The following KCNC3 variants were observed in gnomAD, a reference collection of about 807,000 sequenced individuals.
KCNC3 encodes voltage-gated potassium channel KCNC3.
Under a neutral mutation model 43.9 loss-of-function variants are expected in KCNC3, and 22 were observed. That is an observed-to-expected ratio of 0.50 (90% CI 0.36 to 0.72). KCNC3 has a LOEUF of 0.72. Among genes scored for constraint, KCNC3 ranks in the 30% least tolerant of loss-of-function variants. The pLI is 0.00. For missense variants in KCNC3, 829 were observed against 1,073.8 expected (o/e 0.77, Z 3.19); for synonymous variants, 492 against 488.0 (o/e 1.01, Z -0.11).
At chr19:50,320,844 C>A in intron 2 of KCNC3, 60 bp from the exon 3 acceptor site, 2 of 1,531,190 alleles carry the variant, frequency 1.3e-6, no homozygotes, top group Non-Finnish European at 1.8e-6. Flanking sequence ...GGTGAACACG[C>A]GGTGGGGCAA....
At chr19:50,326,935 T>G (rs1407035138) in intron 1 of KCNC3, among the ~76,000 whole-genome samples, 3 of 150,238 alleles carry the variant, frequency 2.0e-5, no homozygotes, top group Non-Finnish European at 4.4e-5. Context: ...GGGGGGAGGT[T>G]CGAGAAAGGA....
chr19:50,328,046 G>T (rs1407612756), intron 1 of KCNC3, among the ~76,000 whole-genome samples, 167 bp downstream of exon 1: 2 of 151,234 alleles, frequency 1.3e-5, no homozygotes, highest in Non-Finnish European at 3.0e-5. Context: ...CTGCGAGAGG[G>T]GGGTGTGTTC....
intron 2 of KCNC3, among the ~76,000 whole-genome samples, chr19:50,321,937 G>T (rs1271093767): frequency 1.3e-5 from 2 of 152,074 alleles, no homozygotes; most frequent in Non-Finnish European, 2.9e-5. Flanking sequence ...GGCAAGCTAG[G>T]AAGTGGCTGT....
At chr19:50,320,529 TC>T in intron 3 of KCNC3, 63 bp downstream of exon 3, 8 of 1,484,996 alleles carry the variant, frequency 5.4e-6, no homozygotes, top group Middle Eastern at 2.3e-4. Flanking sequence ...CCCCCTCTCC[TC>T]CCTCCCCTGG....
At chr19:50,319,768 T>G (rs2037003291) in intron 4 of KCNC3, among the ~76,000 whole-genome samples, 1 of 152,072 alleles carries the variant, frequency 6.6e-6, no homozygotes, top group South Asian at 2.1e-4. Flanking sequence ...ACGGTTGAAC[T>G]CCCCATGCCC....
Position 50,323,235 on chromosome 19 carries a change from T to C in KCNC3, c.1718A>G (p.Asn573Ser). 6.3e-7 allele frequency: 1 copy of C among 1,581,580 alleles called. No homozygotes were observed. The highest frequency in any genetic ancestry group is 8.5e-7 in the Non-Finnish European group (1 of 1,170,746). Reference sequence around the variant, plus strand: ...CGGGGGTGGGTCAGGCTTGCAGTAGTTGGGCGAGCCCGGTTGCGGGGGCCG... The same window carrying C: ...CGGGGGTGGGTCAGGCTTGCAGTAGCTGGGCGAGCCCGGTTGCGGGGGCCG... ...IPRPPQPGSP[N>S]YCKPDPPPPP... is the part of the protein sequence containing the mutation. Residue 573 changes from asparagine to serine, a missense_variant, in exon 2 of 5, where the codon AAC (asparagine) becomes AGC (serine). Physicochemically the swap from Asn to Ser is conservative, Grantham distance 46. Coordinates refer to ENST00000477616, the MANE Select transcript of KCNC3 (RefSeq NM_004977.3).
At chr19:50,327,199 G>A (rs1202953495) in intron 1 of KCNC3, among the ~76,000 whole-genome samples, 1 of 151,988 alleles carries the variant, frequency 6.6e-6, no homozygotes, top group African/African-American at 2.4e-5. Context: ...TATGGAGGAG[G>A]AAGAACAATT....
upstream of KCNC3, among the ~76,000 whole-genome samples, chr19:50,330,159 C>A (rs1481624734): frequency 6.6e-6 from 1 of 151,904 alleles, no homozygotes. Flanking sequence ...CCCAGCTAGT[C>A]GGGAGGTTGA....
Position 50,314,081 on chromosome 19 carries a change from A to C in KCNC3, c.*2034T>G, listed in dbSNP as rs1418077755. 1 of 152,262 alleles carries C rather than the reference A, an allele frequency of 6.6e-6. No individual in the cohort carries two copies. Among genetic ancestry groups the C allele is most frequent in the African/African-American group, 2.4e-5 (1 of 41,402 alleles). The allele number at this position is 152,262 out of a possible 1,614,324, so 9.4% of individuals were successfully genotyped here. ...ATTCTGGGATAGGAGGTCTGAGTCC[A>C]TGCAGCAAGAATAGAGGCGAGCAGG... is the stretch of plus-strand genomic sequence containing the variant. On this transcript the variant is annotated 3_prime_UTR_variant, in exon 5 of 5. Coordinates refer to ENST00000477616, the MANE Select transcript of KCNC3 (RefSeq NM_004977.3).
rs1455485454 is a variant in KCNC3 at position 50,312,705 on chromosome 19, G to C, written c.*3410C>G. The C allele has an allele frequency of 6.6e-6, 1 of 152,244 alleles. No homozygotes were observed. Among genetic ancestry groups the C allele is most frequent in the Non-Finnish European group, 1.5e-5 (1 of 68,074 alleles). The allele number at this position is 152,244 out of a possible 1,614,324, so 9.4% of individuals were successfully genotyped here. Reference sequence around the variant, plus strand: ...GGCGAGCAGGGGGAGACGTTGGGAAGAGGTCAGTACCCTTTGGAAAAGACC... The same window carrying C: ...GGCGAGCAGGGGGAGACGTTGGGAACAGGTCAGTACCCTTTGGAAAAGACC... On this transcript the variant is annotated 3_prime_UTR_variant, in exon 5 of 5. Coordinates refer to ENST00000477616, the MANE Select transcript of KCNC3 (RefSeq NM_004977.3).
At chr19:50,317,298 C>T (rs904713989) in intron 4 of KCNC3, among the ~76,000 whole-genome samples, 1 of 152,178 alleles carries the variant, frequency 6.6e-6, no homozygotes, top group Non-Finnish European at 1.5e-5. Flanking sequence ...CCTGGGGTCT[C>T]GGCCCTTGTG....
chr19:50,326,910 G>GCCC (rs2037113695), intron 1 of KCNC3, among the ~76,000 whole-genome samples: 1 of 137,198 alleles, frequency 7.3e-6, no homozygotes, highest in African/African-American at 2.6e-5. Context: ...CTAGGTTCTG[G>GCCC]GTTTTGCACG....
chr19:50,323,669 G>A lies in KCNC3; in HGVS notation c.1284C>T (p.Thr428=), dbSNP rs752650735. 1.2e-6 allele frequency: 2 copies of A among 1,614,186 alleles called. No homozygotes were observed. Among genetic ancestry groups the A allele is most frequent in the South Asian group, 1.1e-5 (1 of 91,084 alleles). ...GCACGCGCAGCCCCACGAAGTGCCG[G>A]GTCAGCTTGAAGATGCGCAGGATGC... ...FVRILRIFKL[T]RHFVGLRVLG... The change falls in exon 2 of 5, where the codon ACC becomes ACT. Residue 428 remains threonine, a synonymous_variant. Coordinates refer to ENST00000477616, the MANE Select transcript of KCNC3 (RefSeq NM_004977.3).
In KCNC3 at chr19:50,313,060, G is replaced by A. The variant is rs2036900880; in HGVS notation, c.*3055C>T. ...GCCGTGGGAGCAGAGGGAGGGAGGT[G>A]GCTAATTCCGTGGGACCCCGGCTCC... On this transcript the variant is annotated 3_prime_UTR_variant, in exon 5 of 5. Transcript: ENST00000477616. 6.6e-6 allele frequency: 1 copy of A among 152,186 alleles called. No individual in the cohort carries two copies. The highest frequency in any genetic ancestry group is 6.5e-5 in the Admixed American group (1 of 15,282). 9.4% of individuals were successfully genotyped at this position (152,186 alleles called of 1,614,324 possible).
At position 50,328,666 on chromosome 19, in the gene KCNC3, C is replaced by G; in HGVS notation, c.417G>C (p.Arg139=). 1 of 1,610,832 alleles carries G rather than the reference C, an allele frequency of 6.2e-7. No homozygotes were observed. Among genetic ancestry groups the G allele is most frequent in the Non-Finnish European group, 8.5e-7 (1 of 1,179,064 alleles). The change falls in exon 1 of 5, where the codon CGG becomes CGC. Residue 139 remains arginine, a synonymous_variant. Coordinates refer to ENST00000477616, the MANE Select transcript of KCNC3 (RefSeq NM_004977.3). ...GCACGTACGCGAAGACTCCCGGGTGCCGGTCAAAGAAGAACTCGTCGGCGC... is the reference window on the plus strand; with the variant it reads ...GCACGTACGCGAAGACTCCCGGGTGGCGGTCAAAGAAGAACTCGTCGGCGC... ...DPGADEFFFD[R]HPGVFAYVLN...
In KCNC3 at chr19:50,323,070, G is replaced by A. The variant is rs927538730; in HGVS notation, c.1883C>T (p.Ala628Val). ...CAGCCCCATGATCCCCAGCCCACCC[G>A]CTCCCCCCCTGAGCAGCCCGGGGTG... is the stretch of plus-strand genomic sequence containing the variant. ...HTHPGLLRGG[A>V]GGLGIMGLPP... is the part of the protein sequence containing the mutation. Residue 628 changes from alanine (A) to valine (V), a missense_variant, in exon 2 of 5, where the codon GCG becomes GTG. Ala to Val is a moderately conservative substitution (Grantham distance 64). Coordinates refer to ENST00000477616, the MANE Select transcript of KCNC3 (RefSeq NM_004977.3). The A allele has an allele frequency of 5.1e-5, 78 of 1,538,730 alleles. No homozygotes were observed. The highest frequency in any genetic ancestry group is 4.1e-4 in the African/African-American group (30 of 72,944).
In KCNC3 at chr19:50,326,777, A is replaced by C. The variant is rs574958974; in HGVS notation, c.870+1436T>G. Among the ~76,000 whole-genome samples the C allele has an allele frequency of 9.9e-5, 15 of 152,176 alleles. No individual in the cohort carries two copies. In the East Asian group the frequency reaches 2.9e-3, roughly 29 times the overall value. On this transcript the variant is annotated intron_variant, in intron 1 of 4. Transcript: ENST00000477616. Reference sequence around the variant, plus strand: ...GGGAGGGTAGTCATTTAGCCTAGGAAGTTATGGATGCTTGAGGAAAGTTTT... The same window carrying C: ...GGGAGGGTAGTCATTTAGCCTAGGACGTTATGGATGCTTGAGGAAAGTTTT...
At chr19:50,322,035 TAGGCTCTGACTCC>T (rs1273034098) in intron 2 of KCNC3, among the ~76,000 whole-genome samples, 1 of 151,872 alleles carries the variant, frequency 6.6e-6, no homozygotes, top group African/African-American at 2.4e-5. Flanking sequence ...GGGGGTCCCC[TAGGCTCTGACTCC>T]AGCTATTTTT....
chr19:50,325,966 G>A (rs2037100077), intron 1 of KCNC3, among the ~76,000 whole-genome samples: 1 of 152,248 alleles, frequency 6.6e-6, no homozygotes, highest in Non-Finnish European at 1.5e-5. Flanking sequence ...AGGCTGGACG[G>A]CGTCGGGCTG....
Sources: allele counts gnomAD v4.1 joint callset (sites outside exome capture counted in the v4.1 genomes callset), GRCh38; gene constraint gnomAD v4.1.1; transcripts MANE v1.5; gene names NCBI Gene and HGNC (gene_info 2026-07-23, HGNC 2026-07-21).